LATS2: variants seen among roughly 807,000 people sequenced by gnomAD.
The protein encoded by LATS2 is large tumor suppressor kinase 2, also known as serine/threonine-protein kinase LATS2.
In LATS2, 24 loss-of-function variants were observed where a neutral mutation model predicts 76.0. The ratio of observed to expected loss-of-function variants is 0.32; its 90% CI spans 0.23 to 0.44. The LOEUF is 0.44. Ranked by LOEUF, LATS2 falls within the 20% of genes least tolerant of loss-of-function variation. The probability of loss-of-function intolerance (pLI) is 1.00; values close to 1 mark genes in which losing one functional copy is unlikely to be tolerated. For synonymous variants in LATS2, 692 were observed against 635.4 expected (o/e 1.09, Z -1.34); for missense variants, 1,286 against 1,481.2 (o/e 0.87, Z 2.16).
intron 2 of LATS2, among the ~76,000 whole-genome samples, chr13:21,037,663 G>A (rs912549032): frequency 3.3e-5 from 5 of 152,134 alleles, no homozygotes; most frequent in African/African-American, 4.8e-5. Flanking sequence ...GGGAGAGAAC[G>A]AGGGACCTAA....
At chr13:20,993,655 G>A (rs1428336519) in intron 2 of LATS2, among the ~76,000 whole-genome samples, 4 of 152,152 alleles carry the variant, frequency 2.6e-5, no homozygotes, top group South Asian at 2.1e-4. Flanking sequence ...CTACCAGAAA[G>A]GGCAAGTGTT....
chr13:21,034,695 T>C (rs982725315), intron 2 of LATS2, among the ~76,000 whole-genome samples: 1 of 152,084 alleles, frequency 6.6e-6, no homozygotes, highest in African/African-American at 2.4e-5. Flanking sequence ...TAGCTTGATT[T>C]AGTGCTTGTC....
intron 2 of LATS2, among the ~76,000 whole-genome samples, chr13:21,008,919 AAACTATC>A (rs1871463765): frequency 1.3e-5 from 2 of 152,226 alleles, no homozygotes; most frequent in Non-Finnish European, 2.9e-5. Flanking sequence ...GGAAAACTGG[AAACTATC>A]TAAATGTCCA....
chr13:21,047,703 TA>T (rs59154199), intron 1 of LATS2, among the ~76,000 whole-genome samples: 2,100 of 140,300 alleles, frequency 0.015, 11 homozygotes, highest in Non-Finnish European at 0.019. Flanking sequence ...TCAAGTGGAT[TA>T]AAAAAAAAAA....
intron 2 of LATS2, among the ~76,000 whole-genome samples, chr13:20,999,321 G>A (rs545219146): frequency 2.6e-5 from 4 of 152,198 alleles, no homozygotes; most frequent in East Asian, 1.9e-4. Flanking sequence ...ACACCTGCTC[G>A]GCACATACAG....
chr13:21,001,385 G>A (rs1871034519), intron 2 of LATS2, among the ~76,000 whole-genome samples: 1 of 152,192 alleles, frequency 6.6e-6, no homozygotes, highest in Non-Finnish European at 1.5e-5. Flanking sequence ...TGTACGGGCT[G>A]CAGCCCCCAG....
intron 2 of LATS2, among the ~76,000 whole-genome samples, chr13:21,007,545 G>GTGTATATA (rs1491394458): frequency 2.8e-4 from 1 of 3,610 alleles, no homozygotes; most frequent in Non-Finnish European, 4.7e-4. Context: ...TATATATATA[G>GTGTATATA]TATATATATA....
chr13:21,005,362 C>G (rs1871224076), intron 2 of LATS2: 1 of 152,258 alleles, frequency 6.6e-6, no homozygotes, highest in African/African-American at 2.4e-5. Flanking sequence ...CAGAGCCGGC[C>G]TCTGGCACTC....
chr13:21,007,699 A>ATATAGTGT (rs1173839566), intron 2 of LATS2, among the ~76,000 whole-genome samples: 4 of 586 alleles, frequency 6.8e-3, no homozygotes, highest in Admixed American at 0.12. Context: ...ATATATATAT[A>ATATAGTGT]GTATGTATAT....
intron 2 of LATS2, among the ~76,000 whole-genome samples, chr13:21,008,130 G>A (rs1369962236): frequency 6.6e-6 from 1 of 152,090 alleles, no homozygotes; most frequent in Admixed American, 6.5e-5. Context: ...AGGTGGACGA[G>A]GAGCTGACAG....
Position 20,988,453 on chromosome 13 carries a change from G to C in LATS2, c.1327C>G (p.Pro443Ala), listed in dbSNP as rs1290404063. Residue 443 changes from proline to alanine, a missense_variant, in exon 4 of 8, where the codon CCG (proline) becomes GCG (alanine). Pro to Ala is a conservative substitution (Grantham distance 27, BLOSUM62 -1). This residue lies in a region of LATS2 where 710 missense variants were observed against 660.9 expected (regional missense o/e 1.07). Coordinates refer to ENST00000382592, the MANE Select transcript of LATS2 (RefSeq NM_014572.3). ...CTCAGCACACGCACGCTCTTCACCG[G>C]GTGCAAGATGTGCGCGGCCGTGACA... ...TAVTAAHILH[P>A]VKSVRVLRPE... The C allele has an allele frequency of 2.0e-6, 3 of 1,525,752 alleles. No individual in the cohort carries two copies. In the Admixed American group the frequency reaches 6.0e-5, roughly 31 times the overall value. 94.5% of individuals were successfully genotyped at this position (1,525,752 alleles called of 1,614,324 possible). A position where few individuals can be genotyped will look rare whatever the true frequency, so the allele number is the denominator to read the frequency against.
intron 2 of LATS2, among the ~76,000 whole-genome samples, chr13:21,030,833 C>T (rs1872508321): frequency 6.6e-6 from 1 of 151,904 alleles, no homozygotes; most frequent in African/African-American, 2.4e-5. Flanking sequence ...CTCTTCATTC[C>T]TTCCTGTATA....
intron 2 of LATS2, among the ~76,000 whole-genome samples, chr13:21,028,526 T>C (rs2138374910): frequency 6.6e-6 from 1 of 152,304 alleles, no homozygotes; most frequent in East Asian, 1.9e-4. Flanking sequence ...TTTGTTAAAT[T>C]TATCCCTAAG....
At chr13:20,994,921 C>A (rs1317133577) in intron 2 of LATS2, among the ~76,000 whole-genome samples, 1 of 151,752 alleles carries the variant, frequency 6.6e-6, no homozygotes, top group Non-Finnish European at 1.5e-5. Context: ...ATTTAAGGGT[C>A]CTTATCTAGA....
intron 2 of LATS2, among the ~76,000 whole-genome samples, chr13:20,996,212 C>T (rs1870742223): frequency 1.3e-5 from 2 of 152,136 alleles, no homozygotes; most frequent in South Asian, 4.1e-4. Context: ...CCACCTGCTG[C>T]AAGAGTAAGA....
At chr13:21,047,579 A>G (rs1873117457) in intron 1 of LATS2, among the ~76,000 whole-genome samples, 1 of 152,088 alleles carries the variant, frequency 6.6e-6, no homozygotes, top group African/African-American at 2.4e-5. Context: ...TAAACGAAGA[A>G]CAACTGATCC....
Position 20,975,243 on chromosome 13 carries a change from T to G in LATS2, c.2894A>C (p.Asp965Ala), listed in dbSNP as rs781216256. Residue 965 changes from aspartate (D) to alanine (A), a missense_variant, in exon 8 of 8, where the codon GAT becomes GCT. Coordinates refer to ENST00000382592, the MANE Select transcript of LATS2 (RefSeq NM_014572.3). ...ADHRLGRNGA[D>A]DLKAHPFFSA... ...GAAGAAGGGGTGGGCCTTCAGGTCA[T>G]CGGCCCCATTCCGCCCCAGGCGGTG... is the stretch of plus-strand genomic sequence containing the variant. The G allele has an allele frequency of 1.8e-5, 29 of 1,614,072 alleles. 2 individuals are homozygous for G. In the South Asian group the frequency reaches 3.2e-4, roughly 18 times the overall value.
In LATS2 at chr13:20,989,105, G is replaced by T; in HGVS notation, c.675C>A (p.Gly225=). The T allele has an allele frequency of 6.2e-7, 1 of 1,602,246 alleles. No individual in the cohort carries two copies. The change falls in exon 4 of 8, where the codon GGC becomes GGA. Residue 225 remains glycine, a synonymous_variant. Coordinates refer to ENST00000382592, the MANE Select transcript of LATS2 (RefSeq NM_014572.3). The part of the protein sequence containing the change: ...LFPGVGPHGP[G]HQHQHPPKGY... Reference sequence around the variant, plus strand: ...CCTTGGGTGGGTGCTGGTGCTGGTGGCCGGGCCCGTGGGGGCCGACTCCGG... The same window carrying T: ...CCTTGGGTGGGTGCTGGTGCTGGTGTCCGGGCCCGTGGGGGCCGACTCCGG...
intron 2 of LATS2, among the ~76,000 whole-genome samples, chr13:21,029,654 G>A (rs1037319968): frequency 6.6e-6 from 1 of 152,048 alleles, no homozygotes; most frequent in Non-Finnish European, 1.5e-5. Flanking sequence ...AGCCGGGTGT[G>A]GTGGTGCACA....
Sources: allele counts gnomAD v4.1 joint callset (sites outside exome capture counted in the v4.1 genomes callset), GRCh38; gene constraint gnomAD v4.1.1; regional missense constraint gnomAD v4.1.1; transcripts MANE v1.5; gene names NCBI Gene and HGNC (gene_info 2026-07-23, HGNC 2026-07-21).